The following UQCC2 variants were observed in gnomAD, a reference collection of about 807,000 sequenced individuals.
UQCC2 encodes ubiquinol-cytochrome c reductase complex assembly factor 2.
UQCC2 carries 21 observed loss-of-function variants against 19.9 expected under a neutral mutation model. The ratio of observed to expected loss-of-function variants is 1.05; its 90% confidence interval spans 0.75 to 1.52. The LOEUF is 1.52. UQCC2 is among the 40% of genes most tolerant of loss of function. UQCC2 has a pLI of 0.00. For synonymous variants in UQCC2, 57 were observed against 60.9 expected (o/e 0.94, Z 0.30); for missense variants, 135 against 157.5 (o/e 0.86, Z 0.76).
Position 33,701,261 on chromosome 6 carries a change from A to C in UQCC2, c.213+85T>G. 5 of 1,430,528 alleles carry C rather than the reference A, an allele frequency of 3.5e-6. No homozygotes were observed. In the South Asian group the frequency reaches 6.8e-5, roughly 19 times the overall value. The allele number at this position is 1,430,528 out of a possible 1,614,324, so 88.6% of individuals were successfully genotyped here. ...AACGCAGCAAAGCCAAGTCTTTACA[A>C]AACATTACCTAATCAGATTTTCACT... On this transcript the variant is annotated intron_variant, in intron 2 of 3. Coordinates refer to ENST00000607484, the MANE Select transcript of UQCC2 (RefSeq NM_032340.4).
chr6:33,697,562 G>GT lies in UQCC2; in HGVS notation c.*90dup. ...GAAAGCTAGAGGAGATTCCCAAACC[G>GT]TAAGGTCAAGGGGAAACTGGGGCAG... On this transcript the variant is annotated 3_prime_UTR_variant, in exon 4 of 4. Transcript: ENST00000607484. 2.0e-6 allele frequency: 2 copies of GT among 981,070 alleles called. No individual in the cohort carries two copies. The highest frequency in any genetic ancestry group is 1.6e-5 in the South Asian group (1 of 60,682). The allele number at this position is 981,070 out of a possible 1,614,324, so 60.8% of individuals were successfully genotyped here.
At position 33,711,670 on chromosome 6, in the gene UQCC2, T is replaced by A. The variant is rs1401745456; in HGVS notation, c.17A>T (p.Tyr6Phe). The change falls in exon 1 of 4, where the codon TAC becomes TTC. Residue 6 changes from tyrosine (Y) to phenylalanine (F), a missense_variant. Physicochemically the swap from Tyr to Phe is conservative, Grantham distance 22. Coordinates refer to ENST00000607484, the MANE Select transcript of UQCC2 (RefSeq NM_032340.4). MAASR[Y>F]RRFLKLCEEW... ...CTCACAGAGCTTAAGAAAACGCCGG[T>A]ACCGGCTGGCCGCCATCTTGGGCCC... 6.2e-7 allele frequency: 1 copy of A among 1,610,700 alleles called. No homozygotes were observed. Among genetic ancestry groups the A allele is most frequent in the Admixed American group, 1.7e-5 (1 of 59,200 alleles).
At chr6:33,705,835 T>C (rs997552832) in intron 1 of UQCC2, among the ~76,000 whole-genome samples, 2 of 152,180 alleles carry the variant, frequency 1.3e-5, no homozygotes, top group Non-Finnish European at 2.9e-5. Flanking sequence ...TGATTTTGCA[T>C]TCACACCTAA....
intron 1 of UQCC2, among the ~76,000 whole-genome samples, chr6:33,703,815 T>G (rs1206088043): frequency 6.6e-6 from 1 of 152,190 alleles, no homozygotes; most frequent in Non-Finnish European, 1.5e-5. Context: ...TTCAGGCCAC[T>G]TAACACCGAT....
intron 3 of UQCC2, among the ~76,000 whole-genome samples, chr6:33,698,994 C>G (rs916249619): frequency 2.0e-5 from 3 of 152,062 alleles, no homozygotes; most frequent in Non-Finnish European, 4.4e-5. Flanking sequence ...AAAAAGGTAA[C>G]AGAAAAAAGC....
intron 1 of UQCC2, among the ~76,000 whole-genome samples, chr6:33,710,209 G>C (rs754067900): frequency 1.3e-5 from 2 of 151,948 alleles, no homozygotes; most frequent in East Asian, 1.9e-4. Flanking sequence ...ACCATCTGTC[G>C]CTTATAGTAC....
intron 3 of UQCC2, chr6:33,698,031 T>A: frequency 2.3e-6 from 1 of 442,336 alleles, no homozygotes; most frequent in South Asian, 2.6e-5. Context: ...GTGCTGCTCG[T>A]TGCCCTGCTC....
chr6:33,704,059 G>A (rs1164297532), intron 1 of UQCC2, among the ~76,000 whole-genome samples: 3 of 152,158 alleles, frequency 2.0e-5, no homozygotes, highest in Admixed American at 6.5e-5. Context: ...CTACGTCCCC[G>A]GTGGTGTGAG....
Position 33,701,418 on chromosome 6 carries a change from A to C in UQCC2, c.141T>G (p.Val47=), listed in dbSNP as rs200778553. ...TCTGATCACAGGCCTCAGGCTCTGC[A>C]ACCTGAAAAGCAAAGAATCCCAAAG... is the stretch of plus-strand genomic sequence containing the variant. The part of the protein sequence containing the change: ...QAFREGENTQ[V]AEPEACDQMY... The change falls in exon 2 of 4, where the codon GTT becomes GTG. Residue 47 remains valine, a splice_region_variant and synonymous_variant. Coordinates refer to ENST00000607484, the MANE Select transcript of UQCC2 (RefSeq NM_032340.4). 2.4e-5 allele frequency: 39 copies of C among 1,613,288 alleles called. No individual in the cohort carries two copies. Among genetic ancestry groups the C allele is most frequent in the Non-Finnish European group, 2.8e-5 (33 of 1,179,678 alleles).
chr6:33,711,005 C>A (rs1012398991), intron 1 of UQCC2, among the ~76,000 whole-genome samples: 18 of 152,188 alleles, frequency 1.2e-4, no homozygotes, highest in Non-Finnish European at 1.2e-4. Context: ...AGTCAATACA[C>A]AACACTGCGA....
intron 1 of UQCC2, 124 bp downstream of exon 1, chr6:33,711,425 G>T: frequency 1.5e-6 from 2 of 1,366,438 alleles, no homozygotes; most frequent in South Asian, 3.0e-5. Flanking sequence ...AAGGGGGTCC[G>T]CGCTCACGTG....
At chr6:33,709,998 C>T (rs1460720683) in intron 1 of UQCC2, among the ~76,000 whole-genome samples, 1 of 152,208 alleles carries the variant, frequency 6.6e-6, no homozygotes, top group African/African-American at 2.4e-5. Context: ...TCTTCCTACA[C>T]TTCACCTATT....
intron 1 of UQCC2, among the ~76,000 whole-genome samples, chr6:33,705,273 C>A (rs200382501): frequency 6.6e-6 from 1 of 152,078 alleles, no homozygotes; most frequent in African/African-American, 2.4e-5. Flanking sequence ...CCTTGTGATC[C>A]GCCCACCTCG....
intron 3 of UQCC2, among the ~76,000 whole-genome samples, chr6:33,698,964 A>C (rs1290370207): frequency 6.6e-6 from 1 of 152,154 alleles, no homozygotes; most frequent in African/African-American, 2.4e-5. Flanking sequence ...TGGAGAAAAA[A>C]AGAGTATCTT....
chr6:33,701,530 TGCAGCTAGCACTG>T (rs1266364389), intron 1 of UQCC2, 110 bp from the exon 2 acceptor site: 1 of 1,050,696 alleles, frequency 9.5e-7, no homozygotes, highest in African/African-American at 1.6e-5. Flanking sequence ...GAAGCAGGCC[TGCAGCTAGCACTG>T]GCTTCTCCAC....
chr6:33,704,469 A>G (rs1196381183), intron 1 of UQCC2, among the ~76,000 whole-genome samples: 1 of 152,186 alleles, frequency 6.6e-6, no homozygotes. Flanking sequence ...GAAGTGAGGA[A>G]GGATGAAAAA....
At chr6:33,702,093 G>A (rs983176225) in intron 1 of UQCC2, among the ~76,000 whole-genome samples, 1 of 152,024 alleles carries the variant, frequency 6.6e-6, no homozygotes, top group Admixed American at 6.5e-5. Flanking sequence ...TGCAACCTCC[G>A]CCTCCTGGGT....
intron 1 of UQCC2, among the ~76,000 whole-genome samples, chr6:33,704,582 C>A (rs1191830876): frequency 2.0e-5 from 3 of 152,182 alleles, no homozygotes; most frequent in Non-Finnish European, 4.4e-5. Context: ...TGGTCTTCAC[C>A]TGATGGCCGC....
At chr6:33,707,905 G>C (rs1001818428) in intron 1 of UQCC2, among the ~76,000 whole-genome samples, 2 of 152,252 alleles carry the variant, frequency 1.3e-5, no homozygotes, top group African/African-American at 4.8e-5. Context: ...GATATGGGGT[G>C]TAAGAGGAGT....
Sources: allele counts gnomAD v4.1 joint callset (sites outside exome capture counted in the v4.1 genomes callset), GRCh38; gene constraint gnomAD v4.1.1; transcripts MANE v1.5; gene names NCBI Gene and HGNC (gene_info 2026-07-23, HGNC 2026-07-21).